Variants in MAGI2 observed in about 807,000 individuals in gnomAD.
MAGI2 encodes membrane-associated guanylate kinase, WW and PDZ domain-containing protein 2.
Under a neutral mutation model 133.3 loss-of-function variants are expected in MAGI2, and 35 were observed. The ratio of observed to expected loss-of-function variants is 0.26; its 90% CI spans 0.20 to 0.35. MAGI2 has a LOEUF of 0.35. Ranked by LOEUF, MAGI2 falls within the 10% of genes least tolerant of loss-of-function variation. MAGI2 has a pLI of 1.00. For missense variants in MAGI2, 1,636 were observed against 1,863.4 expected, an observed-to-expected ratio of 0.88 and a Z score of 2.25; for synonymous variants, 729 against 710.6, an observed-to-expected ratio of 1.03 and a Z score of -0.41.
chr7:78,963,356 T>C lies in MAGI2; in HGVS notation c.418+43734A>G, dbSNP rs145596798. ...AAGCTTTTATTATGAACTTCTCTGA[T>C]ATTTCAATTGGAGTAGTATTGTCTT... On this transcript the variant is annotated intron_variant, in intron 2 of 21. Coordinates refer to ENST00000354212, the MANE Select transcript of MAGI2 (RefSeq NM_012301.4). 5.1e-4 allele frequency among the ~76,000 whole-genome samples: 78 copies of C among 152,242 alleles called. No homozygotes were observed. The Middle Eastern group carries it at 0.024, about 46-fold the overall frequency.
chr7:78,989,889 T>C (rs559401255), intron 2 of MAGI2, among the ~76,000 whole-genome samples: 7 of 152,122 alleles, frequency 4.6e-5, no homozygotes, highest in African/African-American at 1.7e-4. Context: ...CTATTATCTA[T>C]TTTATATAAA....
At chr7:78,835,018 C>A (rs1791493154) in intron 2 of MAGI2, among the ~76,000 whole-genome samples, 1 of 152,142 alleles carries the variant, frequency 6.6e-6, no homozygotes, top group Non-Finnish European at 1.5e-5. Context: ...GCCAATTAAA[C>A]CTCTTTTATT....
At chr7:78,904,120 A>G (rs551197086) in intron 2 of MAGI2, 9 of 152,326 alleles carry the variant, frequency 5.9e-5, no homozygotes, top group African/African-American at 2.2e-4. Flanking sequence ...ACACCTTCCC[A>G]AGTTCTCAGA....
chr7:78,721,988 C>A (rs17151382), intron 2 of MAGI2, among the ~76,000 whole-genome samples: 9,694 of 151,294 alleles, frequency 0.064, 422 homozygotes, highest in East Asian at 0.19. Flanking sequence ...TTAGTGAGAG[C>A]AAAATATTAT....
chr7:79,043,372 G>A (rs1165402285), intron 1 of MAGI2, among the ~76,000 whole-genome samples: 2 of 151,178 alleles, frequency 1.3e-5, no homozygotes, highest in Non-Finnish European at 3.0e-5. Context: ...GTGAAACCCC[G>A]TCTCTACTAA....
chr7:79,294,102 C>T (rs1245779552), intron 1 of MAGI2, among the ~76,000 whole-genome samples: 1 of 147,342 alleles, frequency 6.8e-6, no homozygotes. Flanking sequence ...TGCTTGAACA[C>T]AGGAGGCAAA....
At chr7:78,967,893 C>T (rs1803467645) in intron 2 of MAGI2, among the ~76,000 whole-genome samples, 1 of 152,034 alleles carries the variant, frequency 6.6e-6, no homozygotes, top group Admixed American at 6.6e-5. Flanking sequence ...TGCAGTGGTG[C>T]AATCTTGGCT....
chr7:78,536,026 C>G (rs1189709046), intron 3 of MAGI2, among the ~76,000 whole-genome samples: 1 of 151,618 alleles, frequency 6.6e-6, no homozygotes, highest in Non-Finnish European at 1.5e-5. Flanking sequence ...AACCCCGATC[C>G]CCAGATTTTC....
chr7:78,835,292 T>A (rs1791517069), intron 2 of MAGI2, among the ~76,000 whole-genome samples: 1 of 152,224 alleles, frequency 6.6e-6, no homozygotes, highest in African/African-American at 2.4e-5. Context: ...TTAAGTGGTG[T>A]CTTGTGGTTT....
chr7:79,284,429 G>T (rs1835861774), intron 1 of MAGI2, among the ~76,000 whole-genome samples: 1 of 151,950 alleles, frequency 6.6e-6, no homozygotes. Context: ...GCATGGTCCT[G>T]GGCACCCCAC....
chr7:79,414,379 G>A (rs1233384566), intron 1 of MAGI2: 1 of 151,980 alleles, frequency 6.6e-6, no homozygotes, highest in African/African-American at 2.4e-5. Context: ...TTGGCAGAGG[G>A]TTCATCTCTA....
intron 2 of MAGI2, among the ~76,000 whole-genome samples, chr7:78,793,799 A>G (rs1787373218): frequency 6.6e-6 from 1 of 152,224 alleles, no homozygotes; most frequent in African/African-American, 2.4e-5. Context: ...CTGTAAAGCC[A>G]AAAACTGGAA....
intron 6 of MAGI2, among the ~76,000 whole-genome samples, chr7:78,421,621 T>G (rs921150373): frequency 2.2e-4 from 34 of 152,182 alleles, no homozygotes; most frequent in African/African-American, 7.7e-4. Flanking sequence ...AAGATCAGCC[T>G]GGGAAACATG....
chr7:78,087,153 T>A (rs1816731991), intron 20 of MAGI2, among the ~76,000 whole-genome samples: 1 of 152,200 alleles, frequency 6.6e-6, no homozygotes, highest in Non-Finnish European at 1.5e-5. Context: ...TCTTTAGAAG[T>A]ATTGACCTTT....
chr7:78,843,749 T>C (rs111782470), intron 2 of MAGI2, among the ~76,000 whole-genome samples: 1 of 151,318 alleles, frequency 6.6e-6, no homozygotes, highest in African/African-American at 2.4e-5. Context: ...TTAGGAGAGA[T>C]GATTTATTAA....
chr7:78,438,462 A>G (rs779093552), intron 6 of MAGI2, among the ~76,000 whole-genome samples: 25 of 152,184 alleles, frequency 1.6e-4, no homozygotes, highest in Non-Finnish European at 3.2e-4. Context: ...CAATGTCTGC[A>G]AGGACATTTC....
chr7:78,940,665 C>G (rs1800895167), intron 2 of MAGI2: 1 of 152,090 alleles, frequency 6.6e-6, no homozygotes, highest in South Asian at 2.1e-4. Context: ...CTCAGGACAG[C>G]TCATTTAGAT....
At chr7:78,154,994 A>G (rs1824250228) in intron 16 of MAGI2, among the ~76,000 whole-genome samples, 1 of 152,196 alleles carries the variant, frequency 6.6e-6, no homozygotes, top group Non-Finnish European at 1.5e-5. Flanking sequence ...GTGAGAATGA[A>G]AACAGTTAGT....
At chr7:78,076,911 G>T (rs968207395) in intron 21 of MAGI2, among the ~76,000 whole-genome samples, 1 of 139,380 alleles carries the variant, frequency 7.2e-6, no homozygotes, top group African/African-American at 2.6e-5. Context: ...ACACGATCTT[G>T]AATTTTTGTC....
Sources: gnomAD v4.1 joint callset for allele counts (sites outside exome capture counted in the v4.1 genomes callset) on GRCh38, gnomAD v4.1.1 for gene constraint, MANE v1.5 for transcripts, NCBI Gene and HGNC (gene_info 2026-07-23, HGNC 2026-07-21) for gene names.